Variants in DIP2C observed in about 807,000 individuals in gnomAD.
DIP2C encodes the protein disco-interacting protein 2 homolog C.
Under a neutral mutation model 192.4 loss-of-function variants are expected in DIP2C, and 33 were observed. The observed-to-expected ratio is 0.17, with a 90% confidence interval of 0.13 to 0.23. The LOEUF (loss-of-function observed/expected upper bound fraction) is 0.23. Among genes scored for constraint, DIP2C ranks in the 10% least tolerant of loss-of-function variants. The pLI is 1.00. For synonymous variants in DIP2C, 979 were observed against 864.1 expected (o/e 1.13, Z -2.33); for missense variants, 1,537 against 2,110.1 (o/e 0.73, Z 5.32).
chr10:615,380 G>A (rs775392750), intron 1 of DIP2C, among the ~76,000 whole-genome samples: 2 of 152,138 alleles, frequency 1.3e-5, no homozygotes, highest in South Asian at 2.1e-4. Context: ...TAGGGGCCAC[G>A]GTGTTTACAA....
At chr10:541,568 C>T (rs1451855460) in intron 1 of DIP2C, among the ~76,000 whole-genome samples, 1 of 147,390 alleles carries the variant, frequency 6.8e-6, no homozygotes, top group East Asian at 2.0e-4. Context: ...CACCTGAACA[C>T]CCCCATCTCT....
At chr10:574,734 G>A (rs1850046312) in intron 1 of DIP2C, among the ~76,000 whole-genome samples, 1 of 152,162 alleles carries the variant, frequency 6.6e-6, no homozygotes, top group Non-Finnish European at 1.5e-5. Context: ...CAAGGCCATG[G>A]TACATAATAT....
At chr10:566,055 AAAC>A (rs1464137389) in intron 1 of DIP2C, among the ~76,000 whole-genome samples, 2 of 152,228 alleles carry the variant, frequency 1.3e-5, no homozygotes, top group Non-Finnish European at 2.9e-5. Context: ...TCACCAGAAA[AAAC>A]AAAACAAAAA....
chr10:344,585 T>C (rs1421078794), intron 28 of DIP2C, among the ~76,000 whole-genome samples: 1 of 152,220 alleles, frequency 6.6e-6, no homozygotes, highest in Non-Finnish European at 1.5e-5. Flanking sequence ...GCTGAGACAG[T>C]GTTCACATAA....
intron 1 of DIP2C, among the ~76,000 whole-genome samples, chr10:606,009 C>G (rs996183493): frequency 5.9e-5 from 9 of 152,342 alleles, no homozygotes; most frequent in African/African-American, 1.9e-4. Context: ...GTAAGACTCT[C>G]TGCAGCCCCA....
intron 1 of DIP2C, among the ~76,000 whole-genome samples, chr10:495,528 T>C (rs1588296727): frequency 6.6e-6 from 1 of 151,562 alleles, no homozygotes; most frequent in South Asian, 2.1e-4. Context: ...TGTTGGTTTG[T>C]GTGGAAAAAA....
rs1399813710 is a variant in DIP2C, at chr10:344,985, G to A, written c.3343+14C>T. ...GGCCGTGAGCAAACCACCTTCTGCAGCTAAAGCACCAACCTGTGTCCAGGA... is the reference window on the plus strand; with the variant it reads ...GGCCGTGAGCAAACCACCTTCTGCAACTAAAGCACCAACCTGTGTCCAGGA... On this transcript the variant is annotated intron_variant, in intron 27 of 36. Transcript: ENST00000280886. 2 of 1,610,466 alleles carry A rather than the reference G, an allele frequency of 1.2e-6. No individual in the cohort carries two copies. The highest frequency in any genetic ancestry group is 1.7e-6 in the Non-Finnish European group (2 of 1,178,920).
intron 2 of DIP2C, among the ~76,000 whole-genome samples, chr10:473,175 T>C (rs1214086900): frequency 6.6e-6 from 1 of 152,130 alleles, no homozygotes; most frequent in Admixed American, 6.6e-5. Flanking sequence ...ATAAAAACGG[T>C]TTAATGGTAT....
At chr10:467,160 T>C (rs1366881811) in intron 3 of DIP2C, among the ~76,000 whole-genome samples, 2 of 152,150 alleles carry the variant, frequency 1.3e-5, no homozygotes, top group African/African-American at 4.8e-5. Flanking sequence ...TAGACTGGAT[T>C]AAGAAAATGT....
chr10:449,781 T>TAAAAA (rs370147180), intron 3 of DIP2C, among the ~76,000 whole-genome samples: 7 of 128,634 alleles, frequency 5.4e-5, no homozygotes, highest in African/African-American at 1.8e-4. Flanking sequence ...TAAAGTATAA[T>TAAAAA]TAAAAAAAAA....
At chr10:407,738 A>T (rs1445960810) in intron 9 of DIP2C, among the ~76,000 whole-genome samples, 1 of 151,840 alleles carries the variant, frequency 6.6e-6, no homozygotes, top group Non-Finnish European at 1.5e-5. Context: ...AGAAACGTTT[A>T]CTCAAGTCTC....
At chr10:608,131 A>ACCC (rs1564262222) in intron 1 of DIP2C, among the ~76,000 whole-genome samples, 5 of 100,556 alleles carry the variant, frequency 5.0e-5, no homozygotes, top group African/African-American at 4.6e-4. Context: ...CACAGCCCCA[A>ACCC]CACACACACA....
intron 4 of DIP2C, among the ~76,000 whole-genome samples, chr10:432,973 G>A (rs1014440630): frequency 2.6e-5 from 4 of 152,106 alleles, no homozygotes; most frequent in African/African-American, 4.8e-5. Context: ...CATTGTGGTT[G>A]AGAACATACT....
At chr10:653,898 T>C (rs1278121864) in intron 1 of DIP2C, among the ~76,000 whole-genome samples, 1 of 152,218 alleles carries the variant, frequency 6.6e-6, no homozygotes, top group Non-Finnish European at 1.5e-5. Flanking sequence ...CACCAACTCT[T>C]ACCTGGGAGA....
intron 10 of DIP2C, among the ~76,000 whole-genome samples, chr10:393,831 A>G (rs1370542528): frequency 1.3e-5 from 2 of 150,918 alleles, no homozygotes; most frequent in East Asian, 3.9e-4. Flanking sequence ...AAAAGGAAAA[A>G]AAAAAAAAAC....
intron 19 of DIP2C, among the ~76,000 whole-genome samples, chr10:365,412 C>CCTGT (rs1483490649): frequency 2.0e-5 from 3 of 152,096 alleles, no homozygotes; most frequent in Non-Finnish European, 2.9e-5. Flanking sequence ...GTGGCACACG[C>CCTGT]CTGTACTCCC....
chr10:482,366 G>C (rs1242899927), intron 2 of DIP2C, among the ~76,000 whole-genome samples: 2 of 152,294 alleles, frequency 1.3e-5, no homozygotes, highest in East Asian at 3.9e-4. Context: ...CCTCTTCCTG[G>C]AGAGGCTGCT....
At position 281,181 on chromosome 10, in the gene DIP2C, C is replaced by A. The variant is rs759633091; in HGVS notation, c.4418+19G>T. ...ACTCTGCTCCTGATTTGGGTACAAGCTGCAAGCTCACGACTTACCATTCCG... is the reference window on the plus strand; with the variant it reads ...ACTCTGCTCCTGATTTGGGTACAAGATGCAAGCTCACGACTTACCATTCCG... On this transcript the variant is annotated intron_variant, in intron 36 of 36. Transcript: ENST00000280886. 6.2e-7 allele frequency: 1 copy of A among 1,612,720 alleles called. No individual in the cohort carries two copies. The highest frequency in any genetic ancestry group is 1.3e-5 in the African/African-American group (1 of 75,034).
chr10:484,212 C>T (rs1843829761), intron 2 of DIP2C, among the ~76,000 whole-genome samples: 1 of 152,232 alleles, frequency 6.6e-6, no homozygotes, highest in African/African-American at 2.4e-5. Context: ...ATGCACTGAA[C>T]TCCCTTTTTG....
Sources: allele counts gnomAD v4.1 joint callset (sites outside exome capture counted in the v4.1 genomes callset), GRCh38; gene constraint gnomAD v4.1.1; transcripts MANE v1.5; gene names NCBI Gene and HGNC (gene_info 2026-07-23, HGNC 2026-07-21).